TRPC5: variants seen among roughly 807,000 people sequenced by gnomAD.
The protein encoded by TRPC5 is short transient receptor potential channel 5.
A neutral mutation model predicts 56.5 loss-of-function variants in TRPC5; 9 were observed. The ratio of observed to expected loss-of-function variants is 0.16; its 90% CI spans 0.10 to 0.28. TRPC5 has a LOEUF of 0.28. Ranked by LOEUF, TRPC5 falls within the 10% of genes least tolerant of loss-of-function variation. The pLI is 1.00. For synonymous variants in TRPC5, 282 were observed against 278.5 expected (o/e 1.01, Z -0.13); for missense variants, 469 against 748.9 (o/e 0.63, Z 4.36).
In TRPC5 at chrX:111,782,806, A is replaced by AACACACACACACACACACAC. The variant is rs1186498788; in HGVS notation, c.1897-688_1897-669dup. Among the ~76,000 whole-genome samples the AACACACACACACACACACAC allele has an allele frequency of 4.5e-3, 416 of 92,113 alleles. 3 individuals are homozygous for AACACACACACACACACACAC. The highest frequency in any genetic ancestry group is 0.016 in the African/African-American group (385 of 23,742). The allele number at this position is 92,113 out of a possible 115,157, so 80.0% of individuals were successfully genotyped here. On this transcript the variant is annotated intron_variant, in intron 7 of 10. Transcript: ENST00000262839. ...TACCCATGTAACAATCATTATAATC[A>AACACACACACACACACACAC]ACACACACACACACACACACACACA...
Position 112,053,847 on chromosome X carries a change from A to G in TRPC5, c.-22+28032T>C, listed in dbSNP as rs182723242. Among the ~76,000 whole-genome samples, 26 of 112,358 alleles carry G rather than the reference A, an allele frequency of 2.3e-4. No individual in the cohort carries two copies. The Admixed American group carries it at 2.4e-3, about 11-fold the overall frequency. ...TGGAACCAGGTTCCAGCCTTCCCATATAGGAGTGTGCTTAACATCATAAAA... is the reference window on the plus strand; with the variant it reads ...TGGAACCAGGTTCCAGCCTTCCCATGTAGGAGTGTGCTTAACATCATAAAA... On this transcript the variant is annotated intron_variant, in intron 1 of 10. Coordinates refer to ENST00000262839, the MANE Select transcript of TRPC5 (RefSeq NM_012471.3).
intron 2 of TRPC5, among the ~76,000 whole-genome samples, chrX:111,933,057 A>ATC (rs1450035340): frequency 1.8e-5 from 2 of 112,212 alleles, no homozygotes; most frequent in Non-Finnish European, 3.8e-5. Flanking sequence ...GAACTGCCCT[A>ATC]TCTACTGGCA....
chrX:111,776,767 G>A lies in TRPC5; in HGVS notation c.2468C>T (p.Ala823Val), dbSNP rs745416632. ...LIRTMPRSSG[A>V]QGKSKAESSS... ...TGACTCAGCTTTTGACTTTCCTTGG[G>A]CACCACTGGACCTTGGCATGGTTCT... The change falls in exon 11 of 11, where the codon GCC becomes GTC. Residue 823 changes from alanine to valine, a missense_variant. By Grantham distance (64) the Ala-to-Val change is moderately conservative. This residue lies in a region of TRPC5 where 194 missense variants were observed against 221.8 expected (regional missense o/e 0.87). Coordinates refer to ENST00000262839, the MANE Select transcript of TRPC5 (RefSeq NM_012471.3). 8.3e-7 allele frequency: 1 copy of A among 1,210,409 alleles called. No homozygotes were observed. The highest frequency in any genetic ancestry group is 1.8e-5 in the South Asian group (1 of 56,630).
chrX:111,991,295 G>C (rs1283616682), intron 1 of TRPC5, among the ~76,000 whole-genome samples: 1 of 112,063 alleles, frequency 8.9e-6, no homozygotes, highest in Non-Finnish European at 1.9e-5. Flanking sequence ...CCTCCTTCAA[G>C]AAGCCTTCCC....
Position 111,775,564 on chromosome X carries a change from A to C in TRPC5, c.*749T>G, listed in dbSNP as rs767838715. ...ATACTATCAAATTTTCAAATGTAGT[A>C]AGTTAACTGAAACACACAAACAGAA... On this transcript the variant is annotated 3_prime_UTR_variant, in exon 11 of 11. Transcript: ENST00000262839. 1 of 111,478 alleles carries C rather than the reference A, an allele frequency of 9.0e-6. No individual in the cohort carries two copies. Among genetic ancestry groups the C allele is most frequent in the Non-Finnish European group, 1.9e-5 (1 of 53,300 alleles). 9.2% of individuals were successfully genotyped at this position (111,478 alleles called of 1,213,427 possible).
chrX:112,000,337 A>G (rs1928665870), intron 1 of TRPC5, among the ~76,000 whole-genome samples: 1 of 112,177 alleles, frequency 8.9e-6, no homozygotes, highest in South Asian at 3.8e-4. Flanking sequence ...GAGAAGGAAC[A>G]TACGTTTGAA....
intron 1 of TRPC5, among the ~76,000 whole-genome samples, chrX:112,027,654 G>C (rs868469897): frequency 3.3e-4 from 37 of 110,629 alleles, no homozygotes; most frequent in Non-Finnish European, 6.8e-4. Flanking sequence ...CCGCCACCAC[G>C]CCTGGCTAAT....
At chrX:111,862,887 T>G (rs1254747168) in intron 3 of TRPC5, among the ~76,000 whole-genome samples, 1 of 112,237 alleles carries the variant, frequency 8.9e-6, no homozygotes, top group Non-Finnish European at 1.9e-5. Context: ...AGTGTACAAG[T>G]CTTACACTTC....
At chrX:112,041,880 C>T (rs1170282218) in intron 1 of TRPC5, among the ~76,000 whole-genome samples, 2 of 111,536 alleles carry the variant, frequency 1.8e-5, no homozygotes, top group East Asian at 2.8e-4. Context: ...GTTTTATGAA[C>T]GTGGCTCCTC....
At chrX:111,886,891 T>G (rs1452162062) in intron 3 of TRPC5, among the ~76,000 whole-genome samples, 1 of 112,865 alleles carries the variant, frequency 8.9e-6, no homozygotes, top group Non-Finnish European at 1.9e-5. Flanking sequence ...GACAAAATAG[T>G]TGCCACCCCT....
intron 6 of TRPC5, among the ~76,000 whole-genome samples, chrX:111,845,164 G>GGA (rs1922891050): frequency 9.0e-6 from 1 of 111,384 alleles, no homozygotes; most frequent in South Asian, 3.9e-4. Flanking sequence ...CTTGAACCTG[G>GGA]GAGAGAGAGG....
At chrX:111,779,300 C>A (rs1394406998) in intron 9 of TRPC5, among the ~76,000 whole-genome samples, 1 of 111,792 alleles carries the variant, frequency 8.9e-6, no homozygotes, top group Non-Finnish European at 1.9e-5. Flanking sequence ...AAATTTTTTA[C>A]CCAAGCATAA....
intron 2 of TRPC5, among the ~76,000 whole-genome samples, chrX:111,945,089 G>C (rs991997216): frequency 9.1e-6 from 1 of 110,298 alleles, no homozygotes; most frequent in Middle Eastern, 4.6e-3. Flanking sequence ...ATGTAGTGGG[G>C]CTCAGAAATC....
intron 1 of TRPC5, among the ~76,000 whole-genome samples, chrX:112,066,424 T>C (rs1255210868): frequency 8.9e-6 from 1 of 111,959 alleles, no homozygotes; most frequent in African/African-American, 3.2e-5. Flanking sequence ...TCATGGTGCC[T>C]ACCATCAATG....
intron 7 of TRPC5, among the ~76,000 whole-genome samples, chrX:111,804,786 C>G (rs913792634): frequency 9.0e-6 from 1 of 111,717 alleles, no homozygotes; most frequent in African/African-American, 3.3e-5. Context: ...ACAATCATGT[C>G]ATCTGCAAAG....
intron 2 of TRPC5, among the ~76,000 whole-genome samples, chrX:111,919,142 G>A (rs1223743748): frequency 9.0e-6 from 1 of 111,368 alleles, no homozygotes; most frequent in Non-Finnish European, 1.9e-5. Flanking sequence ...TGGGTCTAGT[G>A]GGGACTTGGA....
At chrX:111,930,540 G>T (rs967201382) in intron 2 of TRPC5, among the ~76,000 whole-genome samples, 6 of 111,019 alleles carry the variant, frequency 5.4e-5, no homozygotes, top group Non-Finnish European at 1.1e-4. Context: ...GGCTGGGGTT[G>T]CAGTGAGCCG....
chrX:111,933,993 ATTGAG>A (rs1360300375), intron 2 of TRPC5, among the ~76,000 whole-genome samples: 6 of 110,965 alleles, frequency 5.4e-5, no homozygotes, highest in Non-Finnish European at 1.1e-4. Flanking sequence ...CCTTTTTGCT[ATTGAG>A]TTGAGTTTCT....
In TRPC5 at chrX:111,908,485, G is replaced by A. The variant is rs751267367; in HGVS notation, c.900+3806C>T. ...TCTCTGGCTATGAGGCTAAACTTTA[G>A]GCCATATTTGAGTTTCGGTGGCTCT... On this transcript the variant is annotated intron_variant, in intron 3 of 10. Coordinates refer to ENST00000262839, the MANE Select transcript of TRPC5 (RefSeq NM_012471.3). Among the ~76,000 whole-genome samples, 13 of 111,069 alleles carry A rather than the reference G, an allele frequency of 1.2e-4. 1 individual carries two copies. The highest frequency in any genetic ancestry group is 9.6e-4 in the Admixed American group (10 of 10,428).
Sources: gnomAD v4.1 joint callset for allele counts (sites outside exome capture counted in the v4.1 genomes callset) on GRCh38, gnomAD v4.1.1 for gene constraint, gnomAD v4.1.1 regional missense constraint, MANE v1.5 for transcripts, NCBI Gene and HGNC (gene_info 2026-07-23, HGNC 2026-07-21) for gene names.